The following PGBD1 variants were observed in gnomAD, a reference collection of about 807,000 sequenced individuals.
PGBD1 encodes the protein piggyBac transposable element derived 1, also known as piggyBac transposable element-derived protein 1.
In PGBD1, 25 loss-of-function variants were observed where a neutral mutation model predicts 34.7. That is an observed-to-expected ratio of 0.72 (90% CI 0.52 to 1.00). The LOEUF is 1.00. PGBD1 is among the 50% of genes least tolerant of loss of function. PGBD1 has a pLI of 0.00. For missense variants in PGBD1, 830 were observed against 959.4 expected (o/e 0.87, Z 1.78); for synonymous variants, 292 against 335.7 (o/e 0.87, Z 1.42).
chr6:28,295,092 T>C (rs1150714), intron 4 of PGBD1, among the ~76,000 whole-genome samples: 31,840 of 152,098 alleles, frequency 0.21, 4,549 homozygotes, highest in African/African-American at 0.4. Context: ...AAATTGGTTC[T>C]AACACTCATC....
At chr6:28,298,299 G>A (rs1762721561) in intron 6 of PGBD1, among the ~76,000 whole-genome samples, 1 of 152,060 alleles carries the variant, frequency 6.6e-6, no homozygotes, top group South Asian at 2.1e-4. Context: ...GGAGAAGCTA[G>A]AAGGCAGATA....
rs1762839103 is a variant in PGBD1, at chr6:28,301,469, C to T, written c.1615C>T (p.Leu539=). 1.9e-6 allele frequency: 3 copies of T among 1,613,864 alleles called. No individual in the cohort carries two copies. In the East Asian group the frequency reaches 6.7e-5, roughly 36 times the overall value. The change falls in exon 7 of 7, where the codon CTG becomes TTG. Residue 539 remains leucine (L), a synonymous_variant. Coordinates refer to ENST00000682144, the MANE Select transcript of PGBD1 (RefSeq NM_032507.4). ...MNKNFLLYAP[L]EEYYCFDKSM... ...TAAAAATTTCCTCTTGTATGCTCCC[C>T]TGGAAGAATACTATTGCTTTGATAA...
In PGBD1 at chr6:28,287,091, C is replaced by T. The variant is rs1036089461; in HGVS notation, c.565C>T (p.His189Tyr). The change falls in exon 4 of 7, where the codon CAC becomes TAC. Residue 189 changes from histidine to tyrosine, a missense_variant. Physicochemically the swap from His to Tyr is moderately conservative, Grantham distance 83. Coordinates refer to ENST00000682144, the MANE Select transcript of PGBD1 (RefSeq NM_032507.4). ...NPQEVSGPVP[H>Y]GSAHLQEKNP... The stretch of plus-strand genomic sequence containing the variant: ...CTCTCTCTCTGCAGGGCCTGTTCCC[C>T]ACGGATCAGCTCATCTCCAGGAAAA... 3 of 1,613,860 alleles carry T rather than the reference C, an allele frequency of 1.9e-6. No homozygotes were observed. The African/African-American group carries it at 4.0e-5, about 22-fold the overall frequency.
chr6:28,294,095 T>A (rs1370567187), intron 4 of PGBD1, among the ~76,000 whole-genome samples: 1 of 152,184 alleles, frequency 6.6e-6, no homozygotes. Context: ...AACATATGAA[T>A]GATAAGAAAG....
intron 2 of PGBD1, among the ~76,000 whole-genome samples, chr6:28,284,413 G>A (rs1762222791): frequency 8.7e-6 from 1 of 115,264 alleles, no homozygotes; most frequent in Non-Finnish European, 1.6e-5. Flanking sequence ...CTCGTACAAG[G>A]AAGTGCATTC....
chr6:28,284,714 T>C (rs1043452361), intron 2 of PGBD1, among the ~76,000 whole-genome samples: 2 of 152,022 alleles, frequency 1.3e-5, no homozygotes, highest in African/African-American at 4.8e-5. Context: ...GGGGGTGGGG[T>C]CTCACTATAT....
chr6:28,292,036 A>G (rs1762472505), intron 4 of PGBD1, among the ~76,000 whole-genome samples: 1 of 152,226 alleles, frequency 6.6e-6, no homozygotes. Context: ...AAGAATGCCC[A>G]TCTCACCACT....
At chr6:28,283,693 A>G (rs1387132007) in intron 1 of PGBD1, 83 bp from the exon 2 acceptor site, 3 of 1,259,788 alleles carry the variant, frequency 2.4e-6, no homozygotes, top group Non-Finnish European at 3.2e-6. Flanking sequence ...AAATGTAAGT[A>G]GGTTACATAC....
intron 4 of PGBD1, among the ~76,000 whole-genome samples, chr6:28,295,330 A>C (rs1150713): frequency 0.21 from 31,764 of 152,178 alleles, 4,523 homozygotes; most frequent in African/African-American, 0.39. Flanking sequence ...TAGAATATTA[A>C]ATAAACGTAG....
At chr6:28,298,051 T>A in intron 6 of PGBD1, 60 bp downstream of exon 6, 7 of 1,203,858 alleles carry the variant, frequency 5.8e-6, no homozygotes, top group Non-Finnish European at 8.5e-6. Flanking sequence ...TGGAATGGAA[T>A]CAGAGAAACC....
In PGBD1 at chr6:28,285,705, G is replaced by C. The variant is rs771663112; in HGVS notation, c.551G>C (p.Ser184Thr). 1 of 1,612,968 alleles carries C rather than the reference G, an allele frequency of 6.2e-7. No individual in the cohort carries two copies. Among genetic ancestry groups the C allele is most frequent in the East Asian group, 2.2e-5 (1 of 44,892 alleles). Residue 184 changes from serine to threonine, a missense_variant and splice_region_variant, in exon 3 of 7, where the codon AGT (serine) becomes ACT (threonine). Transcript: ENST00000682144. ...CCTCAAGGGAACCCCCAAGAAGTGA[G>C]TGGTGAGTGCTCGAGTGAGTTTAGT... ...QRPQGNPQEV[S>T]GPVPHGSAHL...
chr6:28,292,417 C>T (rs1762488005), intron 4 of PGBD1, among the ~76,000 whole-genome samples: 1 of 151,784 alleles, frequency 6.6e-6, no homozygotes, highest in African/African-American at 2.4e-5. Context: ...TTTAAATTCC[C>T]TAGGCATTTT....
rs1762128737 is a variant in PGBD1 at position 28,281,575 on chromosome 6, C to T, written c.-382C>T. 5 of 390,136 alleles carry T rather than the reference C, an allele frequency of 1.3e-5. No individual in the cohort carries two copies. Among genetic ancestry groups the T allele is most frequent in the East Asian group, 7.2e-5 (2 of 27,654 alleles). The allele number at this position is 390,136 out of a possible 1,614,324, so 24.2% of individuals were successfully genotyped here. On this transcript the variant is annotated 5_prime_UTR_variant, in exon 1 of 7. Transcript: ENST00000682144. ...CGCGGCGCAGGGAGAAGCTTTTGTA[C>T]CCGCCCAGCTGCTGGAGGCGCCGGC...
chr6:28,288,290 G>C (rs1048398764), intron 4 of PGBD1, among the ~76,000 whole-genome samples: 15 of 152,338 alleles, frequency 9.8e-5, no homozygotes, highest in African/African-American at 3.6e-4. Context: ...AACAGGCTCT[G>C]TCTTAGTCCA....
In PGBD1 at chr6:28,281,617, GC is replaced by G. The variant is rs1160755625; in HGVS notation, c.-338del. 1 of 381,180 alleles carries G rather than the reference GC, an allele frequency of 2.6e-6. No individual in the cohort carries two copies. Among genetic ancestry groups the G allele is most frequent in the African/African-American group, 2.1e-5 (1 of 48,262 alleles). The allele number at this position is 381,180 out of a possible 1,614,324, so 23.6% of individuals were successfully genotyped here. On this transcript the variant is annotated 5_prime_UTR_variant, in exon 1 of 7. Coordinates refer to ENST00000682144, the MANE Select transcript of PGBD1 (RefSeq NM_032507.4). ...GGCGCCGGCAGCGCCCGCCAGACCCGCCAGCCCAGCGGCCCGGGCTCTGGGG... is the reference window on the plus strand; with the variant it reads ...GGCGCCGGCAGCGCCCGCCAGACCCGCAGCCCAGCGGCCCGGGCTCTGGGG...
chr6:28,293,233 G>T (rs1051237858), intron 4 of PGBD1, among the ~76,000 whole-genome samples: 1 of 152,122 alleles, frequency 6.6e-6, no homozygotes, highest in Non-Finnish European at 1.5e-5. Flanking sequence ...GAGCCACCAC[G>T]CCAGGCCTCC....
intron 4 of PGBD1, among the ~76,000 whole-genome samples, chr6:28,288,717 G>A (rs1049617332): frequency 2.6e-5 from 4 of 152,212 alleles, no homozygotes; most frequent in South Asian, 2.1e-4. Context: ...TAGGCCAGGC[G>A]TGGTGGCTCA....
Position 28,302,213 on chromosome 6 carries a change from C to G in PGBD1, c.2359C>G (p.Leu787Val). 2 of 1,614,102 alleles carry G rather than the reference C, an allele frequency of 1.2e-6. No homozygotes were observed. Among genetic ancestry groups the G allele is most frequent in the Non-Finnish European group, 1.7e-6 (2 of 1,180,010 alleles). Residue 787 changes from leucine to valine, a missense_variant, in exon 7 of 7, where the codon CTA becomes GTA. Around this residue, in one of 3 missense-constraint regions of PGBD1, gnomAD observed 372 missense variants for 427.9 expected, o/e 0.87. Coordinates refer to ENST00000682144, the MANE Select transcript of PGBD1 (RefSeq NM_032507.4). ...LHRACNPGAS[L>V]DPLDFRRFVA... ...CAGAGCCTGTAACCCAGGTGCTTCTCTAGACCCCTTGGATTTTCGGAGATT... is the reference window on the plus strand; with the variant it reads ...CAGAGCCTGTAACCCAGGTGCTTCTGTAGACCCCTTGGATTTTCGGAGATT...
chr6:28,291,958 G>C (rs1762470708), intron 4 of PGBD1, among the ~76,000 whole-genome samples: 1 of 151,886 alleles, frequency 6.6e-6, no homozygotes, highest in Non-Finnish European at 1.5e-5. Context: ...TCAAAATAAG[G>C]GCCATATATG....
Sources: gnomAD v4.1 joint callset for allele counts (sites outside exome capture counted in the v4.1 genomes callset) on GRCh38, gnomAD v4.1.1 for gene constraint, gnomAD v4.1.1 regional missense constraint, MANE v1.5 for transcripts, NCBI Gene and HGNC (gene_info 2026-07-23, HGNC 2026-07-21) for gene names.